EMP1: variants seen among roughly 807,000 people sequenced by gnomAD.
EMP1 encodes the protein tumor-associated membrane protein.
A neutral mutation model predicts 15.7 loss-of-function variants in EMP1; 5 were observed. The ratio of observed to expected loss-of-function variants is 0.32; its 90% confidence interval spans 0.17 to 0.67. The LOEUF is 0.67. Ranked by LOEUF, EMP1 falls within the 30% of genes least tolerant of loss-of-function variation. EMP1 has a pLI of 0.74. For synonymous variants in EMP1, 78 were observed against 76.7 expected (o/e 1.02, Z -0.09); for missense variants, 166 against 194.2 (o/e 0.85, Z 0.86).
intron 1 of EMP1, among the ~76,000 whole-genome samples, chr12:13,205,287 T>C (rs1864101676): frequency 6.6e-6 from 1 of 152,226 alleles, no homozygotes; most frequent in Non-Finnish European, 1.5e-5. Context: ...TTCTTTGCAT[T>C]CACTTATTTC....
chr12:13,209,518 G>A (rs1864145624), intron 1 of EMP1: 1 of 152,192 alleles, frequency 6.6e-6, no homozygotes, highest in South Asian at 2.1e-4. Flanking sequence ...GTTGGCAACA[G>A]CTACCCGGCT....
In EMP1 at chr12:13,213,668, C is replaced by T. The variant is rs749316611; in HGVS notation, c.176-13C>T. 1.9e-6 allele frequency: 3 copies of T among 1,613,872 alleles called. No homozygotes were observed. The African/African-American group carries it at 4.0e-5, about 22-fold the overall frequency. ...GACCTCATGCCCTTGTTCTCCTCGTCCTGTGTCTACAGATGCCCTCAAGAC... is the reference window on the plus strand; with the variant it reads ...GACCTCATGCCCTTGTTCTCCTCGTTCTGTGTCTACAGATGCCCTCAAGAC... On this transcript the variant is annotated splice_polypyrimidine_tract_variant and intron_variant, in intron 3 of 4. Transcript: ENST00000256951.
chr12:13,211,080 CA>C lies in EMP1; in HGVS notation c.-42-388del, dbSNP rs1565579268. Among the ~76,000 whole-genome samples, 1 of 152,152 alleles carries C rather than the reference CA, an allele frequency of 6.6e-6. No individual in the cohort carries two copies. The highest frequency in any genetic ancestry group is 1.5e-5 in the Non-Finnish European group (1 of 68,036). Reference sequence around the variant, plus strand: ...AAATGGACATTTATATGACATTGTTCAGAGACCTGGAAATTATAAAGGCCTA... The same window carrying C: ...AAATGGACATTTATATGACATTGTTCGAGACCTGGAAATTATAAAGGCCTA... On this transcript the variant is annotated intron_variant, in intron 1 of 4. Coordinates refer to ENST00000256951, the MANE Select transcript of EMP1 (RefSeq NM_001423.3). This position sits in a 1 kb window ranked among gnomAD's most constrained non-coding sequence, Gnocchi z 4.7.
At chr12:13,207,173 G>A (rs1864117844) in intron 1 of EMP1, among the ~76,000 whole-genome samples, 1 of 152,066 alleles carries the variant, frequency 6.6e-6, no homozygotes, top group South Asian at 2.1e-4. Flanking sequence ...GTGCAATGGA[G>A]CGATCTTGGC....
chr12:13,213,747 T>A lies in EMP1; in HGVS notation c.242T>A (p.Val81Asp), dbSNP rs1864188078. 4 of 1,614,062 alleles carry A rather than the reference T, an allele frequency of 2.5e-6. No homozygotes were observed. In the South Asian group the frequency reaches 3.3e-5, roughly 13 times the overall value. Residue 81 changes from valine to aspartate, a missense_variant, in exon 4 of 5, where the codon GTC becomes GAC. By Grantham distance (152) the Val-to-Asp change is radical (BLOSUM62 -3). Coordinates refer to ENST00000256951, the MANE Select transcript of EMP1 (RefSeq NM_001423.3). ...ATCTTCTGTGTCATTGCCCTCCTGGTCTTCGTGTTCCAGCTCTTCACCATG... is the reference window on the plus strand; with the variant it reads ...ATCTTCTGTGTCATTGCCCTCCTGGACTTCGTGTTCCAGCTCTTCACCATG... ...SIIFCVIALLVFVFQLFTMEK... is the reference protein window; with the variant it reads ...SIIFCVIALLDFVFQLFTMEK...
At position 13,213,825 on chromosome 12, in the gene EMP1, A is replaced by C; in HGVS notation, c.316+4A>C. The stretch of plus-strand genomic sequence containing the variant: ...GGGGCCACCACACTGGTGTGCTGTG[A>C]GTATCTCATGGGTAGACTCCAGTTT... On this transcript the variant is annotated splice_donor_region_variant and intron_variant, in intron 4 of 4. Transcript: ENST00000256951. 1.2e-6 allele frequency: 2 copies of C among 1,613,750 alleles called. No individual in the cohort carries two copies. Among genetic ancestry groups the C allele is most frequent in the Non-Finnish European group, 1.7e-6 (2 of 1,180,030 alleles).
In EMP1 at chr12:13,215,013, C is replaced by A; in HGVS notation, c.*322C>A. ...CCCATCAGCTGCCACAACACCAGCC[C>A]CACTTCTGGGTCATGCACTGAGGTC... On this transcript the variant is annotated 3_prime_UTR_variant, in exon 5 of 5. Transcript: ENST00000256951. The A allele has an allele frequency of 3.1e-6, 1 of 326,512 alleles. No homozygotes were observed. The highest frequency in any genetic ancestry group is 5.9e-6 in the Non-Finnish European group (1 of 168,192). The allele number at this position is 326,512 out of a possible 1,614,324, so 20.2% of individuals were successfully genotyped here.
chr12:13,200,348 G>A (rs184502168), intron 1 of EMP1, among the ~76,000 whole-genome samples: 321 of 152,260 alleles, frequency 2.1e-3, no homozygotes, highest in Admixed American at 5.6e-3. Context: ...AGTAATTACG[G>A]GAACAGGCTG....
chr12:13,199,018 G>A (rs1864039406), intron 1 of EMP1, among the ~76,000 whole-genome samples: 1 of 151,968 alleles, frequency 6.6e-6, no homozygotes, highest in African/African-American at 2.4e-5. Flanking sequence ...GAAGAATGGG[G>A]CGGGGGCGGG....
In EMP1 at chr12:13,211,705, G is replaced by A; in HGVS notation, c.78+117G>A. On this transcript the variant is annotated intron_variant, in intron 2 of 4. Transcript: ENST00000256951. This position sits in a 1 kb window ranked among gnomAD's most constrained non-coding sequence, Gnocchi z 4.7. ...CCCTTCATGAACTTACAGCTCAGTTGTGGGAAAACAAAATAAACACACGCT... is the reference window on the plus strand; with the variant it reads ...CCCTTCATGAACTTACAGCTCAGTTATGGGAAAACAAAATAAACACACGCT... 3 of 1,135,384 alleles carry A rather than the reference G, an allele frequency of 2.6e-6. No homozygotes were observed. Among genetic ancestry groups the A allele is most frequent in the Non-Finnish European group, 3.9e-6 (3 of 775,162 alleles). The allele number at this position is 1,135,384 out of a possible 1,614,324, so 70.3% of individuals were successfully genotyped here. A position where few individuals can be genotyped will look rare whatever the true frequency, so the allele number is the denominator to read the frequency against.
intron 2 of EMP1, among the ~76,000 whole-genome samples, chr12:13,212,905 C>A (rs922133162): frequency 1.3e-5 from 2 of 152,234 alleles, no homozygotes. Flanking sequence ...TACAGGAAAG[C>A]ACTTGCTGTA....
chr12:13,215,692 G>T lies in EMP1; in HGVS notation c.*1001G>T. On this transcript the variant is annotated 3_prime_UTR_variant, in exon 5 of 5. Transcript: ENST00000256951. ...GTTTTGTCTAATTATCAATATTGAG[G>T]ATCAGGGCTCCTAGGCTCAGTGGTA... The T allele has an allele frequency of 6.6e-6, 1 of 152,594 alleles. No individual in the cohort carries two copies. Among genetic ancestry groups the T allele is most frequent in the Non-Finnish European group, 1.5e-5 (1 of 68,074 alleles). 9.5% of individuals were successfully genotyped at this position (152,594 alleles called of 1,614,324 possible). A position where few individuals can be genotyped will look rare whatever the true frequency, so the allele number is the denominator to read the frequency against.
rs1864238563 is a variant in EMP1, at chr12:13,219,189, T to C, written c.*4498T>C. 1 of 152,308 alleles carries C rather than the reference T, an allele frequency of 6.6e-6. No homozygotes were observed. Among genetic ancestry groups the C allele is most frequent in the Non-Finnish European group, 1.5e-5 (1 of 68,086 alleles). 9.4% of individuals were successfully genotyped at this position (152,308 alleles called of 1,614,324 possible). Reference sequence around the variant, plus strand: ...TGATGTCAGGATGGGCGTTGATGGATGCTTCTATCACTGTCGGGGCAGGGA... The same window carrying C: ...TGATGTCAGGATGGGCGTTGATGGACGCTTCTATCACTGTCGGGGCAGGGA... On this transcript the variant is annotated 3_prime_UTR_variant, in exon 5 of 5. Transcript: ENST00000256951.
At chr12:13,209,179 G>A (rs1423999810) in intron 1 of EMP1, 1 of 152,244 alleles carries the variant, frequency 6.6e-6, no homozygotes, top group South Asian at 2.1e-4. Context: ...GCCCGAGGAG[G>A]ATTAAACATA....
chr12:13,206,954 T>C (rs937188345), intron 1 of EMP1, among the ~76,000 whole-genome samples: 7 of 151,114 alleles, frequency 4.6e-5, no homozygotes, highest in Non-Finnish European at 8.9e-5. Context: ...TGTGTGTGTG[T>C]GTGTGTGTGG....
Position 13,213,725 on chromosome 12 carries a change from T to A in EMP1, c.220T>A (p.Phe74Ile). 6.2e-7 allele frequency: 1 copy of A among 1,614,202 alleles called. No individual in the cohort carries two copies. Among genetic ancestry groups the A allele is most frequent in the Non-Finnish European group, 8.5e-7 (1 of 1,180,032 alleles). Residue 74 changes from phenylalanine to isoleucine, a missense_variant, in exon 4 of 5, where the codon TTC becomes ATC. Transcript: ENST00000256951. Reference protein sequence around the residue: ...VQAFMILSIIFCVIALLVFVF... With the variant: ...VQAFMILSIIICVIALLVFVF... ...GGCCTTCATGATTCTCTCTATCATC[T>A]TCTGTGTCATTGCCCTCCTGGTCTT...
rs2121169174 is a variant in EMP1, at chr12:13,218,279, G to T, written c.*3588G>T. On this transcript the variant is annotated 3_prime_UTR_variant, in exon 5 of 5. Coordinates refer to ENST00000256951, the MANE Select transcript of EMP1 (RefSeq NM_001423.3). ...AAAAAATTTCACAAAGGCCTTGAAA[G>T]AAGGCATATGAAGACCAAAAGGATA... 2 of 152,342 alleles carry T rather than the reference G, an allele frequency of 1.3e-5. No homozygotes were observed. Among genetic ancestry groups the T allele is most frequent in the Middle Eastern group, 3.4e-3 (1 of 294 alleles). 9.4% of individuals were successfully genotyped at this position (152,342 alleles called of 1,614,324 possible).
rs956455000 is a variant in EMP1 at position 13,214,271 on chromosome 12, G to A, written c.317-263G>A. 2.0e-5 allele frequency: 12 copies of A among 598,806 alleles called. No individual in the cohort carries two copies. In the African/African-American group the frequency reaches 2.0e-4, roughly 10 times the overall value. 37.1% of individuals were successfully genotyped at this position (598,806 alleles called of 1,614,324 possible). A position where few individuals can be genotyped will look rare whatever the true frequency, so the allele number is the denominator to read the frequency against. ...CAAGGGCCAGACAGGACAGCTGGGT[G>A]GTAGGCATGAGGTTCTGTGTTTTAC... is the stretch of plus-strand genomic sequence containing the variant. On this transcript the variant is annotated intron_variant, in intron 4 of 4. Coordinates refer to ENST00000256951, the MANE Select transcript of EMP1 (RefSeq NM_001423.3).
rs569968068 is a variant in EMP1, at chr12:13,211,985, G to A, written c.78+397G>A. 5.2e-6 allele frequency: 1 copy of A among 193,596 alleles called. No homozygotes were observed. Among genetic ancestry groups the A allele is most frequent in the Admixed American group, 5.8e-5 (1 of 17,372 alleles). 12.0% of individuals were successfully genotyped at this position (193,596 alleles called of 1,614,324 possible). On this transcript the variant is annotated intron_variant, in intron 2 of 4. Transcript: ENST00000256951. This position sits in a 1 kb window ranked among gnomAD's most constrained non-coding sequence, Gnocchi z 4.7. Reference sequence around the variant, plus strand: ...CATTCAGGTGGGAGTGCTAGCAAAGGAGCATATGTAGGAAGGACAAGCTTT... The same window carrying A: ...CATTCAGGTGGGAGTGCTAGCAAAGAAGCATATGTAGGAAGGACAAGCTTT...
Sources: allele counts gnomAD v4.1 joint callset (sites outside exome capture counted in the v4.1 genomes callset), GRCh38; gene constraint gnomAD v4.1.1; non-coding constraint Gnocchi (gnomAD v3.1); transcripts MANE v1.5; gene names NCBI Gene and HGNC (gene_info 2026-07-23, HGNC 2026-07-21).